ARMH4: variants seen among roughly 807,000 people sequenced by gnomAD.
The protein encoded by ARMH4 is armadillo like helical domain containing 4.
In ARMH4, 49 loss-of-function variants were observed where a neutral mutation model predicts 61.9. The ratio of observed to expected loss-of-function variants is 0.79; its 90% confidence interval spans 0.63 to 1.00. The LOEUF (loss-of-function observed/expected upper bound fraction) is 1.00. ARMH4 is among the 50% of genes least tolerant of loss of function. The probability of loss-of-function intolerance (pLI) is 0.00; values close to 1 mark genes in which losing one functional copy is unlikely to be tolerated. For synonymous variants in ARMH4, 368 were observed against 341.5 expected (o/e 1.08, Z -0.85); for missense variants, 934 against 930.0 (o/e 1.00, Z -0.06).
At chr14:58,120,881 G>C (rs1163186164) in intron 4 of ARMH4, among the ~76,000 whole-genome samples, 1 of 152,092 alleles carries the variant, frequency 6.6e-6, no homozygotes, top group Non-Finnish European at 1.5e-5. Flanking sequence ...TCAACATATG[G>C]CAAAGAAACA....
intron 5 of ARMH4, among the ~76,000 whole-genome samples, chr14:58,026,410 G>T (rs1431905119): frequency 2.0e-5 from 3 of 152,028 alleles, no homozygotes; most frequent in Non-Finnish European, 2.9e-5. Flanking sequence ...TCTGATCTAT[G>T]ATTTTACCAC....
intron 5 of ARMH4, among the ~76,000 whole-genome samples, chr14:58,051,788 T>C (rs776195024): frequency 2.6e-5 from 4 of 152,166 alleles, no homozygotes; most frequent in Non-Finnish European, 4.4e-5. Context: ...GCTCCAAGCT[T>C]AGTGTCCAGT....
chr14:58,028,288 C>T (rs1178318312), intron 5 of ARMH4, among the ~76,000 whole-genome samples: 1 of 152,176 alleles, frequency 6.6e-6, no homozygotes, highest in Non-Finnish European at 1.5e-5. Flanking sequence ...ATCCTGTACA[C>T]CCTGAATTGC....
rs913099785 is a variant in ARMH4, at chr14:58,034,400, G to C, written c.2090-22250C>G. ...GCCTGCCCTAAAAGAGCTCCTGAAG[G>C]AAGCGCTAAACATGGAAAGGAACAA... is the stretch of plus-strand genomic sequence containing the variant. On this transcript the variant is annotated intron_variant, in intron 5 of 7. Transcript: ENST00000267485. 7.6e-5 allele frequency among the ~76,000 whole-genome samples: 9 copies of C among 118,648 alleles called. 1 individual carries two copies. The highest frequency in any genetic ancestry group is 1.5e-4 in the Non-Finnish European group (8 of 53,712). 77.8% of individuals were successfully genotyped at this position (118,648 alleles called of 152,430 possible).
chr14:58,128,351 G>A (rs1886971171), intron 4 of ARMH4, among the ~76,000 whole-genome samples: 1 of 152,126 alleles, frequency 6.6e-6, no homozygotes, highest in African/African-American at 2.4e-5. Flanking sequence ...ATTAATTTAT[G>A]CAGTTATAAA....
chr14:58,063,457 G>GT (rs1884595501), intron 5 of ARMH4, among the ~76,000 whole-genome samples: 1 of 152,148 alleles, frequency 6.6e-6, no homozygotes, highest in Non-Finnish European at 1.5e-5. Context: ...AAGGGGGAGA[G>GT]TTTTTCAAGA....
rs369463188 is a variant in ARMH4, at chr14:58,004,660, CT to C, written c.*75del. The C allele has an allele frequency of 0.029, 26,304 of 910,766 alleles. 6 individuals are homozygous for C. The highest frequency in any genetic ancestry group is 0.038 in the South Asian group (2,012 of 52,720). 56.4% of individuals were successfully genotyped at this position (910,766 alleles called of 1,614,324 possible). Reference sequence around the variant, plus strand: ...GATAGCAGCAATGTGGCAGGTTGTTCTTTTTTTTTTTCTGCTCCAAAATAAA... The same window carrying C: ...GATAGCAGCAATGTGGCAGGTTGTTCTTTTTTTTTTCTGCTCCAAAATAAA... On this transcript the variant is annotated 3_prime_UTR_variant, in exon 8 of 8. Transcript: ENST00000267485.
At chr14:58,012,024 A>G in intron 6 of ARMH4, 95 bp downstream of exon 6, 1 of 875,288 alleles carries the variant, frequency 1.1e-6, no homozygotes, top group Non-Finnish European at 1.8e-6. Context: ...CAGAATCAGA[A>G]TAATAAACCA....
At chr14:58,012,907 C>T (rs1036010063) in intron 5 of ARMH4, among the ~76,000 whole-genome samples, 1 of 151,726 alleles carries the variant, frequency 6.6e-6, no homozygotes, top group African/African-American at 2.4e-5. Flanking sequence ...AGAATGGCCA[C>T]GTTAAGGTTG....
intron 6 of ARMH4, among the ~76,000 whole-genome samples, chr14:58,011,594 T>C (rs1882408147): frequency 6.6e-6 from 1 of 151,822 alleles, no homozygotes; most frequent in Non-Finnish European, 1.5e-5. Context: ...CAAAAGAAAA[T>C]GAACAATATC....
At chr14:58,057,601 C>G (rs1228485889) in intron 5 of ARMH4, among the ~76,000 whole-genome samples, 1 of 151,240 alleles carries the variant, frequency 6.6e-6, no homozygotes, top group Non-Finnish European at 1.5e-5. Flanking sequence ...TTTTGATGGA[C>G]AGAGATCAAG....
rs568561055 is a variant in ARMH4 at position 58,064,970 on chromosome 14, G to T, written c.2089+31754C>A. Among the ~76,000 whole-genome samples, 3 of 152,318 alleles carry T rather than the reference G, an allele frequency of 2.0e-5. No homozygotes were observed. In the South Asian group the frequency reaches 6.2e-4, roughly 32 times the overall value. On this transcript the variant is annotated intron_variant, in intron 5 of 7. Transcript: ENST00000267485. ...TTGACTTAAGAGAATCTGGCCAGGT[G>T]TGGTGGTTTATGCCTGTAATCCCAG... is the stretch of plus-strand genomic sequence containing the variant.
chr14:58,052,249 T>G (rs1884168879), intron 5 of ARMH4, among the ~76,000 whole-genome samples: 1 of 152,144 alleles, frequency 6.6e-6, no homozygotes, highest in East Asian at 1.9e-4. Flanking sequence ...TCTCATTTCC[T>G]CCACCACACC....
chr14:58,041,849 A>G (rs1432644690), intron 5 of ARMH4, among the ~76,000 whole-genome samples: 2 of 152,214 alleles, frequency 1.3e-5, no homozygotes, highest in African/African-American at 4.8e-5. Flanking sequence ...GAGACAAAGA[A>G]GGCCATTACA....
intron 5 of ARMH4, among the ~76,000 whole-genome samples, chr14:58,019,978 T>C (rs899323890): frequency 2.0e-5 from 3 of 152,132 alleles, no homozygotes. Flanking sequence ...GATATATGCA[T>C]AAATTCCCTT....
chr14:58,080,313 G>C (rs1885179696), intron 5 of ARMH4, among the ~76,000 whole-genome samples: 1 of 151,914 alleles, frequency 6.6e-6, no homozygotes, highest in African/African-American at 2.4e-5. Context: ...ATATTTAGTA[G>C]AGATGGGGTT....
At chr14:58,054,880 A>AT (rs1566560089) in intron 5 of ARMH4, among the ~76,000 whole-genome samples, 16 of 104,742 alleles carry the variant, frequency 1.5e-4, no homozygotes, top group South Asian at 7.3e-4. Context: ...AAAAAAAAAA[A>AT]AAAAATAATA....
chr14:58,147,928 T>G (rs1478703460), intron 1 of ARMH4, among the ~76,000 whole-genome samples: 1 of 152,178 alleles, frequency 6.6e-6, no homozygotes, highest in Non-Finnish European at 1.5e-5. Context: ...AAATATGCAA[T>G]TGCCAAAATC....
chr14:58,064,435 A>G, intron 5 of ARMH4, among the ~76,000 whole-genome samples: 1 of 152,228 alleles, frequency 6.6e-6, no homozygotes, highest in East Asian at 1.9e-4. Flanking sequence ...AGAAGACGAC[A>G]TTATCAAGGA....
Sources: gnomAD v4.1 joint callset for allele counts (sites outside exome capture counted in the v4.1 genomes callset) on GRCh38, gnomAD v4.1.1 for gene constraint, MANE v1.5 for transcripts, NCBI Gene and HGNC (gene_info 2026-07-23, HGNC 2026-07-21) for gene names.